Variants in GLIS3 observed in about 807,000 individuals in gnomAD.
The protein encoded by GLIS3 is zinc finger protein GLIS3.
GLIS3 carries 53 observed loss-of-function variants against 78.6 expected under a neutral mutation model. That is an observed-to-expected ratio of 0.67 (90% CI 0.54 to 0.85). The LOEUF is 0.85. Ranked by LOEUF, GLIS3 falls within the 40% of genes least tolerant of loss-of-function variation. The pLI is 0.00. For synonymous variants in GLIS3, 684 were observed against 509.9 expected (o/e 1.34, Z -4.60); for missense variants, 1,703 against 1,231.1 (o/e 1.38, Z -5.74).
chr9:3,872,208 T>G (rs6476726), intron 8 of GLIS3, among the ~76,000 whole-genome samples: 67,299 of 152,056 alleles, frequency 0.44, 15,468 homozygotes, highest in African/African-American at 0.57. Context: ...ATCAGCATTT[T>G]GGGCAAAGCC....
In GLIS3 at chr9:3,825,336, C is replaced by T. The variant is rs1398526610; in HGVS notation, c.*2936G>A. On this transcript the variant is annotated 3_prime_UTR_variant, in exon 11 of 11. Coordinates refer to ENST00000381971, the MANE Select transcript of GLIS3 (RefSeq NM_001042413.2). ...CTGTAAATATTTAAATAATATTTAA[C>T]AGCTGATCAGAGGCTAAATTACAAC... is the stretch of plus-strand genomic sequence containing the variant. The T allele has an allele frequency of 6.6e-6, 1 of 151,990 alleles. No homozygotes were observed. The highest frequency in any genetic ancestry group is 1.5e-5 in the Non-Finnish European group (1 of 68,010). 9.4% of individuals were successfully genotyped at this position (151,990 alleles called of 1,614,324 possible).
upstream of GLIS3, among the ~76,000 whole-genome samples, chr9:4,349,833 C>G (rs546983271): frequency 1.3e-5 from 2 of 152,314 alleles, no homozygotes; most frequent in East Asian, 3.9e-4. Context: ...AGTCATGAAG[C>G]CTTCAGGGTG....
In GLIS3 at chr9:4,057,125, G is replaced by T. The variant is rs117959331; in HGVS notation, c.1710+60643C>A. 5.9e-5 allele frequency among the ~76,000 whole-genome samples: 9 copies of T among 152,050 alleles called. No individual in the cohort carries two copies. In the East Asian group the frequency reaches 1.2e-3, roughly 20 times the overall value. On this transcript the variant is annotated intron_variant, in intron 4 of 10. Transcript: ENST00000381971. ...ACCTGGATGTGCAGCTTCATGAAGC[G>T]TCAACAATGCCCTAAGGAACCAGAA...
rs200855741 is a variant in GLIS3, at chr9:4,277,923, G to A, written c.388+8115C>T. Among the ~76,000 whole-genome samples the A allele has an allele frequency of 3.3e-5, 5 of 152,116 alleles. No individual in the cohort carries two copies. In the East Asian group the frequency reaches 5.8e-4, roughly 18 times the overall value. ...GGATCCTTCAAACACAAATCCTAGCGAGACTAATAAGTTGCCAACTGCACC... is the reference window on the plus strand; with the variant it reads ...GGATCCTTCAAACACAAATCCTAGCAAGACTAATAAGTTGCCAACTGCACC... On this transcript the variant is annotated intron_variant, in intron 2 of 10. Transcript: ENST00000381971.
chr9:3,932,915 A>G, intron 5 of GLIS3: 2 of 324,108 alleles, frequency 6.2e-6, no homozygotes, highest in Non-Finnish European at 1.2e-5. Flanking sequence ...TTTTCAGAAG[A>G]AACCTGATTC....
At chr9:4,482,600 A>G in the GLIS3 span, among the ~76,000 whole-genome samples, 6 of 152,218 alleles carry the variant, frequency 3.9e-5, no homozygotes, top group Non-Finnish European at 8.8e-5. Flanking sequence ...TTTTATGATG[A>G]TAGAATACAA....
At chr9:4,239,319 T>TA (rs142806886) in intron 2 of GLIS3, among the ~76,000 whole-genome samples, 6,250 of 144,494 alleles carry the variant, frequency 0.043, 431 homozygotes, top group African/African-American at 0.15. Context: ...AAAGTATAAT[T>TA]AAAAAAAAAA....
chr9:3,828,544 G>T (rs1425994428), intron 10 of GLIS3, 136 bp from the exon 11 acceptor site: 2 of 1,089,726 alleles, frequency 1.8e-6, no homozygotes, highest in Non-Finnish European at 2.7e-6. Flanking sequence ...GGGCCCTATA[G>T]TGAGTCTCTG....
At chr9:3,901,770 C>T (rs1356556269) in intron 6 of GLIS3, among the ~76,000 whole-genome samples, 2 of 152,166 alleles carry the variant, frequency 1.3e-5, no homozygotes, top group Non-Finnish European at 2.9e-5. Context: ...CAGTCTCTGA[C>T]CAGGACTCTC....
At chr9:4,351,875 A>T (rs567905407), upstream of GLIS3, among the ~76,000 whole-genome samples, 1 of 152,298 alleles carries the variant, frequency 6.6e-6, no homozygotes, top group South Asian at 2.1e-4. Flanking sequence ...TTAAAAAAAA[A>T]ATGCACACAG....
chr9:4,079,434 A>C (rs1828358133), intron 4 of GLIS3, among the ~76,000 whole-genome samples: 1 of 152,200 alleles, frequency 6.6e-6, no homozygotes, highest in Admixed American at 6.5e-5. Context: ...GAAAGCAAAA[A>C]GGGAGCCCAC....
chr9:4,140,406 C>A (rs72689963), intron 2 of GLIS3, among the ~76,000 whole-genome samples: 34,863 of 151,976 alleles, frequency 0.23, 4,439 homozygotes, highest in Middle Eastern at 0.36. Context: ...CATTACTGTC[C>A]AAAAAGACAC....
chr9:4,448,699 A>T, the GLIS3 span, among the ~76,000 whole-genome samples: 1 of 152,242 alleles, frequency 6.6e-6, no homozygotes, highest in South Asian at 2.1e-4. Flanking sequence ...AGAAATTCTA[A>T]GAGCCTGTGT....
At chr9:4,248,549 T>C (rs1181533179) in intron 2 of GLIS3, among the ~76,000 whole-genome samples, 1 of 152,240 alleles carries the variant, frequency 6.6e-6, no homozygotes, top group East Asian at 1.9e-4. Context: ...GCAATAAATA[T>C]ATGTGTGCAT....
At chr9:4,063,276 T>G (rs1006563389) in intron 4 of GLIS3, among the ~76,000 whole-genome samples, 1 of 152,306 alleles carries the variant, frequency 6.6e-6, no homozygotes, top group Non-Finnish European at 1.5e-5. Context: ...ATAAAACATG[T>G]AATATGATGG....
chr9:4,065,647 G>C (rs1275817721), intron 4 of GLIS3, among the ~76,000 whole-genome samples: 9 of 152,156 alleles, frequency 5.9e-5, no homozygotes, highest in Non-Finnish European at 4.4e-5. Flanking sequence ...AAAATAAGTA[G>C]CAAGTTCCAA....
intron 2 of GLIS3, among the ~76,000 whole-genome samples, chr9:4,341,321 C>A (rs1206465282): frequency 3.3e-5 from 5 of 152,250 alleles, no homozygotes; most frequent in African/African-American, 1.2e-4. Flanking sequence ...CTCTATTACC[C>A]TGGGATTACA....
chr9:4,033,671 C>A (rs1274736421), intron 4 of GLIS3, among the ~76,000 whole-genome samples: 1 of 152,012 alleles, frequency 6.6e-6, no homozygotes, highest in Non-Finnish European at 1.5e-5. Context: ...CTAGGTGATT[C>A]CTATGCACAT....
At chr9:4,412,434 A>T in the GLIS3 span, among the ~76,000 whole-genome samples, 2 of 152,156 alleles carry the variant, frequency 1.3e-5, no homozygotes, top group East Asian at 3.8e-4. Context: ...ATTCCATCAT[A>T]CCTAGTGTAA....
Sources: allele counts gnomAD v4.1 joint callset (sites outside exome capture counted in the v4.1 genomes callset), GRCh38; gene constraint gnomAD v4.1.1; transcripts MANE v1.5; gene names NCBI Gene and HGNC (gene_info 2026-07-23, HGNC 2026-07-21).